CCL23: variants seen among roughly 807,000 people sequenced by gnomAD.
CCL23 encodes the protein C-C motif chemokine ligand 23.
In CCL23, 10 loss-of-function variants were observed where a neutral mutation model predicts 11.8. The ratio of observed to expected loss-of-function variants is 0.84; its 90% confidence interval spans 0.52 to 1.43. The LOEUF (loss-of-function observed/expected upper bound fraction) is 1.43. Among genes scored for constraint, CCL23 ranks in the 40% most tolerant of loss-of-function variants. The probability of loss-of-function intolerance (pLI) is 0.00; values close to 1 mark genes in which losing one functional copy is unlikely to be tolerated. For synonymous variants in CCL23, 60 were observed against 61.0 expected (o/e 0.98, Z 0.07); for missense variants, 181 against 170.9 (o/e 1.06, Z -0.33).
chr17:36,013,611 A>G, intron 3 of CCL23, 133 bp downstream of exon 3: 1 of 812,942 alleles, frequency 1.2e-6, no homozygotes, highest in Non-Finnish European at 2.0e-6. Flanking sequence ...GGATCTTCCT[A>G]AGGACACAGC....
In CCL23 at chr17:36,013,885, G is replaced by A; in HGVS notation, c.161C>T (p.Pro54Leu). Residue 54 changes from proline (P) to leucine (L), a missense_variant, in exon 3 of 4, where the codon CCT (proline) becomes CTT (leucine). Pro to Leu is a moderately conservative substitution (Grantham distance 98). Transcript: ENST00000615050. ...LDMLWRRKIG[P>L]QMTLSHAAGF... ...TGCAGCATGAGAAAGGGTCATCTGA[G>A]GACCAATCTTTCTCCTCCAGAGCAC... 6.2e-7 allele frequency: 1 copy of A among 1,614,192 alleles called. No individual in the cohort carries two copies.
In CCL23 at chr17:36,013,880, T is replaced by C. The variant is rs1389111919; in HGVS notation, c.166A>G (p.Met56Val). The change falls in exon 3 of 4, where the codon ATG (methionine) becomes GTG (valine). Residue 56 changes from methionine (M) to valine (V), a missense_variant. Physicochemically the swap from Met to Val is conservative, Grantham distance 21. Transcript: ENST00000615050. The part of the protein sequence containing the change: ...MLWRRKIGPQ[M>V]TLSHAAGFHA... ...AATCCTGCAGCATGAGAAAGGGTCA[T>C]CTGAGGACCAATCTTTCTCCTCCAG... 1 of 1,614,108 alleles carries C rather than the reference T, an allele frequency of 6.2e-7. No individual in the cohort carries two copies. The highest frequency in any genetic ancestry group is 1.3e-5 in the African/African-American group (1 of 74,936).
rs111879665 is a variant in CCL23, at chr17:36,017,924, C to G, written c.-27G>C. 3 of 1,611,756 alleles carry G rather than the reference C, an allele frequency of 1.9e-6. No individual in the cohort carries two copies. Among genetic ancestry groups the G allele is most frequent in the Non-Finnish European group, 2.5e-6 (3 of 1,179,318 alleles). ...CTCCTGGTGGGCAGGCAGGGCTGGC[C>G]GAGGACTCCTGGGCTCACTGCTTCC... On this transcript the variant is annotated 5_prime_UTR_variant, in exon 1 of 4. Coordinates refer to ENST00000615050, the MANE Select transcript of CCL23 (RefSeq NM_005064.6).
chr17:36,013,213 T>G lies in CCL23; in HGVS notation c.398A>C (p.Lys133Thr), dbSNP rs768396550. Residue 133 changes from lysine to threonine, a missense_variant, in exon 4 of 4, where the codon AAG becomes ACG. By Grantham distance (78) the Lys-to-Thr change is moderately conservative. Transcript: ENST00000615050. ...MRMLKLDTRI[K>T]TRKN The stretch of plus-strand genomic sequence containing the variant: ...TTGACAAGTTCAATTCTTCCTGGTC[T>G]TGATCCGTGTGTCCAGCTTCAGCAT... The G allele has an allele frequency of 6.2e-7, 1 of 1,611,320 alleles. No individual in the cohort carries two copies. Among genetic ancestry groups the G allele is most frequent in the Non-Finnish European group, 8.5e-7 (1 of 1,177,396 alleles).
At position 36,013,892 on chromosome 17, in the gene CCL23, T is replaced by C. The variant is rs2090077607; in HGVS notation, c.154A>G (p.Ile52Val). The change falls in exon 3 of 4, where the codon ATT becomes GTT. Residue 52 changes from isoleucine to valine, a missense_variant. Physicochemically the swap from Ile to Val is conservative, Grantham distance 29. Transcript: ENST00000615050. ...VLLDMLWRRK[I>V]GPQMTLSHAA... ...TGAGAAAGGGTCATCTGAGGACCAA[T>C]CTTTCTCCTCCAGAGCACTGTGGAG... 6.2e-7 allele frequency: 1 copy of C among 1,614,152 alleles called. No individual in the cohort carries two copies. Among genetic ancestry groups the C allele is most frequent in the Non-Finnish European group, 8.5e-7 (1 of 1,180,010 alleles).
rs770031075 is a variant in CCL23 at position 36,017,808 on chromosome 17, C to T, written c.76+14G>A. 4.3e-6 allele frequency: 7 copies of T among 1,613,508 alleles called. No individual in the cohort carries two copies. The highest frequency in any genetic ancestry group is 5.9e-6 in the Non-Finnish European group (7 of 1,179,588). ...ATGAACCTGGTCATCTGAGAGAAAG[C>T]TCACTGGACTCACCTTTTGTGACCC... On this transcript the variant is annotated intron_variant, in intron 1 of 3. Coordinates refer to ENST00000615050, the MANE Select transcript of CCL23 (RefSeq NM_005064.6).
chr17:36,013,870 G>A lies in CCL23; in HGVS notation c.176C>T (p.Ser59Phe). The change falls in exon 3 of 4, where the codon TCT (serine) becomes TTT (phenylalanine). Residue 59 changes from serine (S) to phenylalanine (F), a missense_variant. Ser to Phe is a radical substitution (Grantham distance 155). Coordinates refer to ENST00000615050, the MANE Select transcript of CCL23 (RefSeq NM_005064.6). ...AGTAGCATGGAATCCTGCAGCATGA[G>A]AAAGGGTCATCTGAGGACCAATCTT... ...RRKIGPQMTLSHAAGFHATSA... is the reference protein window; with the variant it reads ...RRKIGPQMTLFHAAGFHATSA... 1.2e-6 allele frequency: 2 copies of A among 1,614,216 alleles called. No homozygotes were observed. The highest frequency in any genetic ancestry group is 1.7e-6 in the Non-Finnish European group (2 of 1,180,018).
chr17:36,013,386 C>T, intron 3 of CCL23, 78 bp from the exon 4 acceptor site: 3 of 843,694 alleles, frequency 3.6e-6, no homozygotes, highest in Non-Finnish European at 3.9e-6. Context: ...TTCTCCCTGC[C>T]CCTCAGATTT....
chr17:36,017,769 G>T, intron 1 of CCL23, 53 bp downstream of exon 1: 1 of 1,543,370 alleles, frequency 6.5e-7, no homozygotes. Flanking sequence ...CTCTGCCACA[G>T]AGCTTGAGTT....
Position 36,017,251 on chromosome 17 carries a change from T to A in CCL23, c.76+571A>T, listed in dbSNP as rs911495980. ...ACAAAAGTAAAAAATTTGCATTTTTTAAAATCTAATACATATCCCACAGGG... is the reference window on the plus strand; with the variant it reads ...ACAAAAGTAAAAAATTTGCATTTTTAAAAATCTAATACATATCCCACAGGG... On this transcript the variant is annotated intron_variant, in intron 1 of 3. Transcript: ENST00000615050. Among the ~76,000 whole-genome samples the A allele has an allele frequency of 4.6e-5, 7 of 152,214 alleles. No homozygotes were observed. The East Asian group carries it at 5.8e-4, about 13-fold the overall frequency.
At chr17:36,013,958 C>A in intron 2 of CCL23, 49 bp from the exon 3 acceptor site, 1 of 1,571,742 alleles carries the variant, frequency 6.4e-7, no homozygotes, top group Non-Finnish European at 8.7e-7. Flanking sequence ...TTTCCTCCTC[C>A]GTGACCAGCA....
intron 1 of CCL23, among the ~76,000 whole-genome samples, chr17:36,015,640 T>C (rs1036082544): frequency 2.6e-4 from 39 of 152,356 alleles, no homozygotes; most frequent in Admixed American, 2.5e-3. Context: ...CTTATGCTTG[T>C]TAGGCAAATG....
intron 1 of CCL23, 101 bp downstream of exon 1, chr17:36,017,721 C>T (rs561132512): frequency 6.6e-6 from 7 of 1,066,958 alleles, no homozygotes; most frequent in African/African-American, 1.6e-5. Flanking sequence ...ACCATGACCA[C>T]GTCTGGGATG....
intron 1 of CCL23, 45 bp from the exon 2 acceptor site, chr17:36,014,438 G>A (rs1193643504): frequency 2.0e-6 from 3 of 1,516,358 alleles, no homozygotes; most frequent in South Asian, 2.2e-5. Context: ...CTGGGCGGCA[G>A]CATTGTTTCA....
intron 1 of CCL23, among the ~76,000 whole-genome samples, chr17:36,015,775 G>A (rs1266231162): frequency 2.0e-5 from 3 of 152,128 alleles, no homozygotes; most frequent in Admixed American, 2.0e-4. Flanking sequence ...GGTGGCTCAC[G>A]CCTGTAATCC....
At chr17:36,016,421 G>C (rs2090098309) in intron 1 of CCL23, among the ~76,000 whole-genome samples, 1 of 152,090 alleles carries the variant, frequency 6.6e-6, no homozygotes, top group South Asian at 2.1e-4. Context: ...AGAACATGTG[G>C]TGTTTGGCTT....
chr17:36,016,423 G>A (rs1278274490), intron 1 of CCL23, among the ~76,000 whole-genome samples: 1 of 152,080 alleles, frequency 6.6e-6, no homozygotes, highest in East Asian at 1.9e-4. Flanking sequence ...AACATGTGGT[G>A]TTTGGCTTTC....
At chr17:36,014,307 A>C in intron 2 of CCL23, 27 bp downstream of exon 2, 8 of 1,568,558 alleles carry the variant, frequency 5.1e-6, no homozygotes, top group Non-Finnish European at 7.0e-6. Flanking sequence ...GGCTGCTTTT[A>C]AATATATGCC....
Position 36,017,903 on chromosome 17 carries a change from T to C in CCL23, c.-6A>G, listed in dbSNP as rs757847589. 1.9e-6 allele frequency: 3 copies of C among 1,613,476 alleles called. No individual in the cohort carries two copies. In the South Asian group the frequency reaches 3.3e-5, roughly 18 times the overall value. Reference sequence around the variant, plus strand: ...GCAGCCACGGAGACCTTCATCCTCCTGGTGGGCAGGCAGGGCTGGCCGAGG... The same window carrying C: ...GCAGCCACGGAGACCTTCATCCTCCCGGTGGGCAGGCAGGGCTGGCCGAGG... On this transcript the variant is annotated 5_prime_UTR_variant, in exon 1 of 4. Transcript: ENST00000615050.
Sources: gnomAD v4.1 joint callset for allele counts (sites outside exome capture counted in the v4.1 genomes callset) on GRCh38, gnomAD v4.1.1 for gene constraint, MANE v1.5 for transcripts, NCBI Gene and HGNC (gene_info 2026-07-23, HGNC 2026-07-21) for gene names.